The following SERTAD4 variants were observed in gnomAD, a reference collection of about 807,000 sequenced individuals.
SERTAD4 encodes SERTA domain containing 4, also known as SERTA domain-containing protein 4.
SERTAD4 carries 18 observed loss-of-function variants against 32.9 expected under a neutral mutation model. That is an observed-to-expected ratio of 0.55 (90% CI 0.38 to 0.81). SERTAD4 has a LOEUF of 0.81. Among genes scored for constraint, SERTAD4 ranks in the 30% least tolerant of loss-of-function variants. The probability of loss-of-function intolerance (pLI) is 0.00; values close to 1 mark genes in which losing one functional copy is unlikely to be tolerated. For synonymous variants in SERTAD4, 150 were observed against 156.4 expected (o/e 0.96, Z 0.30); for missense variants, 383 against 426.0 (o/e 0.90, Z 0.89).
Position 210,238,204 on chromosome 1 carries a change from G to A in SERTAD4, c.175+69G>A, listed in dbSNP as rs2083961675. Reference sequence around the variant, plus strand: ...CCTTTGCAGCCAGCCTGGTGGACAGGAGGTGGTGTCTGGGGTGCCCCTCTG... The same window carrying A: ...CCTTTGCAGCCAGCCTGGTGGACAGAAGGTGGTGTCTGGGGTGCCCCTCTG... On this transcript the variant is annotated intron_variant, in intron 2 of 3. Transcript: ENST00000367012. 3.4e-5 allele frequency: 34 copies of A among 985,520 alleles called. No homozygotes were observed. In the South Asian group the frequency reaches 5.0e-4, roughly 15 times the overall value. The allele number at this position is 985,520 out of a possible 1,614,324, so 61.0% of individuals were successfully genotyped here. A position where few individuals can be genotyped will look rare whatever the true frequency, so the allele number is the denominator to read the frequency against.
intron 3 of SERTAD4, among the ~76,000 whole-genome samples, chr1:210,240,055 C>A (rs1334876820): frequency 1.3e-5 from 2 of 152,106 alleles, no homozygotes; most frequent in African/African-American, 2.4e-5. Context: ...TGGGTAGACT[C>A]ATCATCCTTG....
rs764797301 is a variant in SERTAD4, at chr1:210,242,380, G to C, written c.*43G>C. The stretch of plus-strand genomic sequence containing the variant: ...CTTTGAAGCATGCACAGCATGATCA[G>C]TTAGCTCTCGTAAATTTTATTTTGA... On this transcript the variant is annotated 3_prime_UTR_variant, in exon 4 of 4. Coordinates refer to ENST00000367012, the MANE Select transcript of SERTAD4 (RefSeq NM_019605.5). The surrounding 1 kb of genome is among the most constrained non-coding windows in gnomAD (Gnocchi z 4.0). The C allele has an allele frequency of 6.6e-7, 1 of 1,520,034 alleles. No homozygotes were observed. The highest frequency in any genetic ancestry group is 1.4e-5 in the South Asian group (1 of 73,614). The allele number at this position is 1,520,034 out of a possible 1,614,324, so 94.2% of individuals were successfully genotyped here. A position where few individuals can be genotyped will look rare whatever the true frequency, so the allele number is the denominator to read the frequency against.
rs968221473 is a variant in SERTAD4 at position 210,243,907 on chromosome 1, A to G, written c.*1570A>G. ...GTGTATGAGTAGGATCATTTGGACA[A>G]TTGTCCACAAAGACCAATTTTTAAA... On this transcript the variant is annotated 3_prime_UTR_variant, in exon 4 of 4. Coordinates refer to ENST00000367012, the MANE Select transcript of SERTAD4 (RefSeq NM_019605.5). The G allele has an allele frequency of 6.6e-6, 1 of 152,192 alleles. No individual in the cohort carries two copies. The highest frequency in any genetic ancestry group is 1.5e-5 in the Non-Finnish European group (1 of 68,028). 9.4% of individuals were successfully genotyped at this position (152,192 alleles called of 1,614,324 possible).
Position 210,245,393 on chromosome 1 carries a change from G to C in SERTAD4, c.*3056G>C, listed in dbSNP as rs1390296068. The C allele has an allele frequency of 2.0e-5, 3 of 152,264 alleles. No individual in the cohort carries two copies. Among genetic ancestry groups the C allele is most frequent in the Non-Finnish European group, 4.4e-5 (3 of 68,016 alleles). 9.4% of individuals were successfully genotyped at this position (152,264 alleles called of 1,614,324 possible). A position where few individuals can be genotyped will look rare whatever the true frequency, so the allele number is the denominator to read the frequency against. ...CTCTGGTCCTTCCTTTCTAAAAACA[G>C]CAGATTATAGAAGGTGGTCTGGCAA... On this transcript the variant is annotated 3_prime_UTR_variant, in exon 4 of 4. Coordinates refer to ENST00000367012, the MANE Select transcript of SERTAD4 (RefSeq NM_019605.5).
At position 210,242,084 on chromosome 1, in the gene SERTAD4, T is replaced by C. The variant is rs752059938; in HGVS notation, c.818T>C (p.Leu273Pro). Residue 273 changes from leucine (L) to proline (P), a missense_variant, in exon 4 of 4, where the codon CTT (leucine) becomes CCT (proline). By Grantham distance (98) the Leu-to-Pro change is moderately conservative. Around this residue, in one of 3 missense-constraint regions of SERTAD4, gnomAD observed 180 missense variants for 190.6 expected, o/e 0.94. Transcript: ENST00000367012. The surrounding 1 kb of genome is among the most constrained non-coding windows in gnomAD (Gnocchi z 4.0). ...ATCTTTGTCACTAATGTCAGATCAC[T>C]TGGTGTTCAGGAAAAGGCCAAATTA... The part of the protein sequence containing the change: ...NEIFVTNVRS[L>P]GVQEKAKLND... The C allele has an allele frequency of 8.7e-6, 14 of 1,614,062 alleles. No individual in the cohort carries two copies. The highest frequency in any genetic ancestry group is 1.7e-5 in the Admixed American group (1 of 60,000).
chr1:210,241,526 G>GTTTTTTT, intron 3 of SERTAD4, 32 bp from the exon 4 acceptor site: 5 of 1,431,914 alleles, frequency 3.5e-6, no homozygotes, highest in Non-Finnish European at 4.6e-6. Flanking sequence ...TTTTCTGTTT[G>GTTTTTTT]TTTTTTTCTT....
rs750898541 is a variant in SERTAD4 at position 210,237,978 on chromosome 1, C to A, written c.18C>A (p.Ser6=). 1.2e-6 allele frequency: 2 copies of A among 1,612,678 alleles called. No individual in the cohort carries two copies. The highest frequency in any genetic ancestry group is 1.7e-6 in the Non-Finnish European group (2 of 1,179,432). Residue 6 remains serine (S), a synonymous_variant, in exon 2 of 4, where the codon TCC becomes TCA. Coordinates refer to ENST00000367012, the MANE Select transcript of SERTAD4 (RefSeq NM_019605.5). The part of the protein sequence containing the change: MTLVL[S]MNRFCEPIVS... ...TGTCAGAGATGACTCTGGTTCTGTC[C>A]ATGAATAGATTCTGCGAGCCCATTG...
Position 210,242,649 on chromosome 1 carries a change from C to G in SERTAD4, c.*312C>G. The G allele has an allele frequency of 2.8e-6, 3 of 1,085,274 alleles. No homozygotes were observed. Among genetic ancestry groups the G allele is most frequent in the African/African-American group, 1.6e-5 (1 of 60,998 alleles). 67.2% of individuals were successfully genotyped at this position (1,085,274 alleles called of 1,614,324 possible). A position where few individuals can be genotyped will look rare whatever the true frequency, so the allele number is the denominator to read the frequency against. ...ATGTGCCCTTGCAATATTTCCATTG[C>G]CCCCCAAGGAGCCTGTCACTAGCTA... On this transcript the variant is annotated 3_prime_UTR_variant, in exon 4 of 4. Coordinates refer to ENST00000367012, the MANE Select transcript of SERTAD4 (RefSeq NM_019605.5). This position sits in a 1 kb window ranked among gnomAD's most constrained non-coding sequence, Gnocchi z 4.0.
intron 1 of SERTAD4, chr1:210,233,527 ATGCAGTAGC>A (rs2083906921): frequency 2.2e-5 from 8 of 365,708 alleles, no homozygotes; most frequent in South Asian, 1.6e-4. Context: ...AAAGGAATTG[ATGCAGTAGC>A]TGACACCTTC....
At position 210,242,735 on chromosome 1, in the gene SERTAD4, C is replaced by T. The variant is rs1265982043; in HGVS notation, c.*398C>T. 1 of 999,386 alleles carries T rather than the reference C, an allele frequency of 1.0e-6. No homozygotes were observed. The highest frequency in any genetic ancestry group is 1.2e-6 in the Non-Finnish European group (1 of 839,722). 61.9% of individuals were successfully genotyped at this position (999,386 alleles called of 1,614,324 possible). Reference sequence around the variant, plus strand: ...TTATTTGGTAAGCAAATCAATATAACCAGCAAAGATACCTGCTTCTTCTAT... The same window carrying T: ...TTATTTGGTAAGCAAATCAATATAATCAGCAAAGATACCTGCTTCTTCTAT... On this transcript the variant is annotated 3_prime_UTR_variant, in exon 4 of 4. Transcript: ENST00000367012. This position sits in a 1 kb window ranked among gnomAD's most constrained non-coding sequence, Gnocchi z 4.0.
At chr1:210,234,326 G>A (rs2083919825) in intron 1 of SERTAD4, among the ~76,000 whole-genome samples, 1 of 152,152 alleles carries the variant, frequency 6.6e-6, no homozygotes. Flanking sequence ...ACCAGGGCTC[G>A]GGCATCGGAG....
At chr1:210,235,724 C>G (rs1440959680) in intron 1 of SERTAD4, among the ~76,000 whole-genome samples, 4 of 152,166 alleles carry the variant, frequency 2.6e-5, no homozygotes, top group Non-Finnish European at 5.9e-5. Context: ...CAAACTCTGA[C>G]AAACATAAAA....
chr1:210,237,218 A>G (rs967061893), intron 1 of SERTAD4: 1 of 152,182 alleles, frequency 6.6e-6, no homozygotes, highest in African/African-American at 2.4e-5. Flanking sequence ...TGGGACTGCA[A>G]CTCACGGCTT....
chr1:210,233,503 C>T, intron 1 of SERTAD4: 1 of 352,378 alleles, frequency 2.8e-6, no homozygotes, highest in Non-Finnish European at 5.5e-6. Context: ...GTCAGGAGCG[C>T]GCGTTTGCAA....
At position 210,245,323 on chromosome 1, in the gene SERTAD4, C is replaced by T. The variant is rs556560024; in HGVS notation, c.*2986C>T. On this transcript the variant is annotated 3_prime_UTR_variant, in exon 4 of 4. Transcript: ENST00000367012. ...AAGAGTGCCTTTAATTGCTATTCCC[C>T]TAGGCATCTGGGTGCATATCATTAA... 4.6e-5 allele frequency: 7 copies of T among 152,288 alleles called. No homozygotes were observed. Among genetic ancestry groups the T allele is most frequent in the Non-Finnish European group, 1.0e-4 (7 of 68,032 alleles). 9.4% of individuals were successfully genotyped at this position (152,288 alleles called of 1,614,324 possible).
In SERTAD4 at chr1:210,243,800, ATAAG is replaced by A. The variant is rs758904617; in HGVS notation, c.*1468_*1471del. On this transcript the variant is annotated 3_prime_UTR_variant, in exon 4 of 4. Coordinates refer to ENST00000367012, the MANE Select transcript of SERTAD4 (RefSeq NM_019605.5). ...AGAAACCAAATGCCAAACGGAGGAAATAAGTAAGCCCTCCCAGTTTCTCCAAGAT... is the reference window on the plus strand; with the variant it reads ...AGAAACCAAATGCCAAACGGAGGAAATAAGCCCTCCCAGTTTCTCCAAGAT... The A allele has an allele frequency of 3.3e-5, 5 of 152,206 alleles. No homozygotes were observed. The highest frequency in any genetic ancestry group is 4.4e-5 in the Non-Finnish European group (3 of 68,046). 9.4% of individuals were successfully genotyped at this position (152,206 alleles called of 1,614,324 possible).
intron 3 of SERTAD4, among the ~76,000 whole-genome samples, chr1:210,240,591 AC>A (rs2083984643): frequency 6.6e-6 from 1 of 152,286 alleles, no homozygotes; most frequent in East Asian, 1.9e-4. Context: ...TCCCCAGGAC[AC>A]AAGCAGTTTA....
rs1011365050 is a variant in SERTAD4 at position 210,243,883 on chromosome 1, T to C, written c.*1546T>C. ...TTAAATATAGGTCTCATTCATACAG[T>C]GTATGAGTAGGATCATTTGGACAAT... On this transcript the variant is annotated 3_prime_UTR_variant, in exon 4 of 4. Coordinates refer to ENST00000367012, the MANE Select transcript of SERTAD4 (RefSeq NM_019605.5). 1 of 152,192 alleles carries C rather than the reference T, an allele frequency of 6.6e-6. No individual in the cohort carries two copies. The highest frequency in any genetic ancestry group is 1.5e-5 in the Non-Finnish European group (1 of 68,026). The allele number at this position is 152,192 out of a possible 1,614,324, so 9.4% of individuals were successfully genotyped here.
chr1:210,234,766 C>T (rs2083924510), intron 1 of SERTAD4, among the ~76,000 whole-genome samples: 1 of 152,198 alleles, frequency 6.6e-6, no homozygotes, highest in Non-Finnish European at 1.5e-5. Context: ...TGACCTGGAG[C>T]CCCTTGTTAG....
Sources: gnomAD v4.1 joint callset for allele counts (sites outside exome capture counted in the v4.1 genomes callset) on GRCh38, gnomAD v4.1.1 for gene constraint, gnomAD v4.1.1 regional missense constraint, Gnocchi (gnomAD v3.1) non-coding constraint, MANE v1.5 for transcripts, NCBI Gene and HGNC (gene_info 2026-07-23, HGNC 2026-07-21) for gene names.